Variants in RTN4 observed in about 807,000 individuals in gnomAD.
RTN4 encodes the protein reticulon 4.
A neutral mutation model predicts 90.4 loss-of-function variants in RTN4; 32 were observed. The observed-to-expected ratio is 0.35, with a 90% CI of 0.27 to 0.48. The LOEUF is 0.48. RTN4 is among the 20% of genes least tolerant of loss of function. RTN4 has a pLI of 0.99. For missense variants in RTN4, 1,706 were observed against 1,430.2 expected (o/e 1.19, Z -3.11); for synonymous variants, 629 against 552.5 (o/e 1.14, Z -1.94).
intron 4 of RTN4, among the ~76,000 whole-genome samples, chr2:54,983,623 G>A (rs906969470): frequency 6.6e-6 from 1 of 152,078 alleles, no homozygotes; most frequent in Non-Finnish European, 1.5e-5. Flanking sequence ...TTTATTCACA[G>A]TGCCATCACT....
intron 3 of RTN4, among the ~76,000 whole-genome samples, chr2:55,009,392 T>C (rs529730753): frequency 1.3e-5 from 2 of 152,276 alleles, no homozygotes; most frequent in East Asian, 1.9e-4. Flanking sequence ...CATTTTACCA[T>C]TTACAGGCTT....
intron 1 of RTN4, among the ~76,000 whole-genome samples, chr2:55,042,803 C>A (rs936859129): frequency 1.3e-5 from 2 of 152,176 alleles, no homozygotes; most frequent in Admixed American, 6.5e-5. Context: ...AATGCAGACA[C>A]AATGCATACA....
chr2:55,022,071 T>C (rs1237630444), intron 3 of RTN4, among the ~76,000 whole-genome samples: 2 of 152,162 alleles, frequency 1.3e-5, no homozygotes, highest in African/African-American at 4.8e-5. Flanking sequence ...ACTTCTAAAC[T>C]ATTAGGCTAT....
intron 2 of RTN4, 45 bp from the exon 3 acceptor site, chr2:55,027,530 T>A: frequency 6.5e-7 from 1 of 1,543,684 alleles, no homozygotes; most frequent in South Asian, 1.3e-5. Context: ...GCCAGTGTTC[T>A]CAGAGTTAAT....
At chr2:55,047,156 C>A (rs1333101620) in intron 1 of RTN4, among the ~76,000 whole-genome samples, 1 of 152,008 alleles carries the variant, frequency 6.6e-6, no homozygotes, top group Non-Finnish European at 1.5e-5. Context: ...ATGGTAAAAT[C>A]CCGTCTCTAC....
intron 3 of RTN4, chr2:55,010,157 AT>A: frequency 6.2e-7 from 1 of 1,612,632 alleles, no homozygotes; most frequent in Non-Finnish European, 8.5e-7. Context: ...CCAATTATTA[AT>A]TATGCATACC....
At chr2:54,974,126 A>C in intron 6 of RTN4, 1 of 397,818 alleles carries the variant, frequency 2.5e-6, no homozygotes, top group Non-Finnish European at 4.6e-6. Flanking sequence ...TCATAAAATA[A>C]AGGTATCCCT....
intron 1 of RTN4, among the ~76,000 whole-genome samples, chr2:55,085,277 G>A (rs1034479257): frequency 6.6e-6 from 1 of 152,014 alleles, no homozygotes; most frequent in Non-Finnish European, 1.5e-5. Flanking sequence ...TGTGTAATAG[G>A]TGTGTGTGGG....
At chr2:55,032,446 C>T (rs2104898129) in intron 1 of RTN4, among the ~76,000 whole-genome samples, 1 of 151,772 alleles carries the variant, frequency 6.6e-6, no homozygotes, top group South Asian at 2.1e-4. Flanking sequence ...AAAAGACAGA[C>T]ATATAGAGTA....
chr2:55,073,658 AT>A (rs1354083602), intron 2 of RTN4, among the ~76,000 whole-genome samples: 1 of 152,186 alleles, frequency 6.6e-6, no homozygotes, highest in Non-Finnish European at 1.5e-5. Flanking sequence ...TTAAAATACA[AT>A]TTTCAGAATT....
At chr2:55,116,399 G>C (rs1668126275), upstream of RTN4, among the ~76,000 whole-genome samples, 1 of 152,184 alleles carries the variant, frequency 6.6e-6, no homozygotes, top group African/African-American at 2.4e-5. Flanking sequence ...GTGGTTAAGA[G>C]TGTTAAAATG....
chr2:55,073,426 C>G (rs1668548363), intron 2 of RTN4, among the ~76,000 whole-genome samples: 1 of 152,256 alleles, frequency 6.6e-6, no homozygotes, highest in South Asian at 2.1e-4. Context: ...GAAACGGTAG[C>G]AGTAATTCAA....
intron 1 of RTN4, among the ~76,000 whole-genome samples, chr2:55,102,436 A>C (rs1164581945): frequency 2.6e-5 from 4 of 152,158 alleles, no homozygotes; most frequent in African/African-American, 7.2e-5. Flanking sequence ...AACTACACAT[A>C]AACAAAGGGA....
chr2:55,131,690 T>A, the RTN4 span, among the ~76,000 whole-genome samples: 12 of 151,782 alleles, frequency 7.9e-5, 1 homozygote, highest in Admixed American at 2.0e-4. Flanking sequence ...TCGAGACCAG[T>A]CTGACCAACA....
intron 1 of RTN4, among the ~76,000 whole-genome samples, chr2:55,096,597 C>T (rs1667723311): frequency 6.6e-6 from 1 of 152,232 alleles, no homozygotes; most frequent in African/African-American, 2.4e-5. Context: ...TAGCCTTTCT[C>T]TGGCTAAATA....
At chr2:54,995,901 G>A (rs947033087) in intron 3 of RTN4, among the ~76,000 whole-genome samples, 3 of 151,918 alleles carry the variant, frequency 2.0e-5, no homozygotes, top group African/African-American at 7.3e-5. Flanking sequence ...TCTTCCTCAT[G>A]CACATTATAA....
At chr2:55,035,484 G>C (rs1166588550) in intron 1 of RTN4, among the ~76,000 whole-genome samples, 2 of 152,126 alleles carry the variant, frequency 1.3e-5, no homozygotes, top group Admixed American at 1.3e-4. Flanking sequence ...TGCTTAGAGA[G>C]AAATGTATAG....
At chr2:55,103,851 C>G (rs1471805223) in intron 1 of RTN4, among the ~76,000 whole-genome samples, 1 of 151,856 alleles carries the variant, frequency 6.6e-6, no homozygotes, top group African/African-American at 2.4e-5. Context: ...CCCACCACCA[C>G]ACCCGCCTAA....
chr2:55,050,210 G>A lies in RTN4; in HGVS notation c.91C>T (p.Pro31Ser). Reference sequence around the variant, plus strand: ...TCCTCTTCTTCCTCCTCGTCCTCGGGCTCCCTCACGAACTGGTACTTGAAC... The same window carrying A: ...TCCTCTTCTTCCTCCTCGTCCTCGGACTCCCTCACGAACTGGTACTTGAAC... ...PAFKYQFVRE[P>S]EDEEEEEEEE... is the part of the protein sequence containing the mutation. Residue 31 changes from proline to serine, a missense_variant, in exon 1 of 9, where the codon CCC (proline) becomes TCC (serine). Coordinates refer to ENST00000337526, the MANE Select transcript of RTN4 (RefSeq NM_020532.5). This position sits in a 1 kb window ranked among gnomAD's most constrained non-coding sequence, Gnocchi z 4.6. 1 of 1,566,912 alleles carries A rather than the reference G, an allele frequency of 6.4e-7. No individual in the cohort carries two copies. The highest frequency in any genetic ancestry group is 8.6e-7 in the Non-Finnish European group (1 of 1,159,938).
Sources: allele counts gnomAD v4.1 joint callset (sites outside exome capture counted in the v4.1 genomes callset), GRCh38; gene constraint gnomAD v4.1.1; non-coding constraint Gnocchi (gnomAD v3.1); transcripts MANE v1.5; gene names NCBI Gene and HGNC (gene_info 2026-07-23, HGNC 2026-07-21).